The following SORCS3 variants were observed in gnomAD, a reference collection of about 807,000 sequenced individuals.
SORCS3 encodes the protein VPS10 domain-containing receptor SorCS3.
A neutral mutation model predicts 146.3 loss-of-function variants in SORCS3; 57 were observed. The ratio of observed to expected loss-of-function variants is 0.39; its 90% CI spans 0.31 to 0.49. The LOEUF (loss-of-function observed/expected upper bound fraction) is 0.49. Ranked by LOEUF, SORCS3 falls within the 20% of genes least tolerant of loss-of-function variation. The pLI, the probability that SORCS3 is intolerant of heterozygous loss-of-function variation, is 0.92. For missense variants in SORCS3, 1,341 were observed against 1,575.5 expected, an observed-to-expected ratio of 0.85 and a Z score of 2.52; for synonymous variants, 653 against 618.5, an observed-to-expected ratio of 1.06 and a Z score of -0.83.
intron 2 of SORCS3, among the ~76,000 whole-genome samples, chr10:104,876,962 C>T (rs1010588975): frequency 6.6e-6 from 1 of 152,056 alleles, no homozygotes; most frequent in South Asian, 2.1e-4. Context: ...CCCAAGCCTC[C>T]TAAGTAGCTG....
At chr10:105,172,035 GTTGTTAGAAAGA>G (rs946848839) in intron 13 of SORCS3, among the ~76,000 whole-genome samples, 6 of 152,148 alleles carry the variant, frequency 3.9e-5, no homozygotes, top group African/African-American at 1.4e-4. Context: ...AATGGCTTTA[GTTGTTAGAAAGA>G]TTGTTTTTCA....
chr10:104,733,124 G>A (rs1285081697), intron 1 of SORCS3, among the ~76,000 whole-genome samples: 1 of 152,142 alleles, frequency 6.6e-6, no homozygotes, highest in Non-Finnish European at 1.5e-5. Flanking sequence ...CTTACAGAAT[G>A]CTTTATGCTG....
intron 2 of SORCS3, among the ~76,000 whole-genome samples, chr10:104,845,617 A>G (rs986642545): frequency 2.0e-5 from 3 of 152,116 alleles, no homozygotes; most frequent in African/African-American, 7.2e-5. Flanking sequence ...TAAGACACCA[A>G]GCGGGTGTAG....
chr10:104,785,524 T>C (rs991658786), intron 1 of SORCS3, among the ~76,000 whole-genome samples: 1 of 145,884 alleles, frequency 6.9e-6, no homozygotes, highest in African/African-American at 2.6e-5. Context: ...CCTCCACTAT[T>C]GTCCAATGAC....
chr10:104,711,940 C>T (rs1227123635), intron 1 of SORCS3, among the ~76,000 whole-genome samples: 1 of 152,112 alleles, frequency 6.6e-6, no homozygotes, highest in Non-Finnish European at 1.5e-5. Flanking sequence ...CACTGCCTGC[C>T]CCGCTTTTCC....
At chr10:104,798,260 G>A (rs1479858158) in intron 1 of SORCS3, among the ~76,000 whole-genome samples, 1 of 152,106 alleles carries the variant, frequency 6.6e-6, no homozygotes, top group East Asian at 1.9e-4. Context: ...GCAATGGCTT[G>A]TTACCAATGA....
At position 104,726,062 on chromosome 10, in the gene SORCS3, A is replaced by G. The variant is rs1306261491; in HGVS notation, c.627+84108A>G. The stretch of plus-strand genomic sequence containing the variant: ...AATGCAGAAATCACCTGTCTTCTGC[A>G]TCGCTCACGCTGGGTGCTGTAGACT... On this transcript the variant is annotated intron_variant, in intron 1 of 26. Transcript: ENST00000369701. 2.0e-5 allele frequency among the ~76,000 whole-genome samples: 3 copies of G among 152,210 alleles called. No homozygotes were observed. The South Asian group carries it at 6.2e-4, about 31-fold the overall frequency.
intron 1 of SORCS3, among the ~76,000 whole-genome samples, chr10:104,651,703 G>A (rs1308423740): frequency 1.3e-5 from 2 of 151,680 alleles, no homozygotes; most frequent in South Asian, 2.1e-4. Context: ...GTGAGACTCC[G>A]TCTCAAAAAA....
At chr10:104,903,050 C>T (rs759748081) in intron 2 of SORCS3, among the ~76,000 whole-genome samples, 6 of 152,102 alleles carry the variant, frequency 3.9e-5, no homozygotes, top group South Asian at 2.1e-4. Flanking sequence ...AATAAATGGC[C>T]GGGCATTGAA....
chr10:105,058,839 T>C lies in SORCS3; in HGVS notation c.1028+15711T>C, dbSNP rs575439572. 3.9e-5 allele frequency among the ~76,000 whole-genome samples: 6 copies of C among 152,292 alleles called. No individual in the cohort carries two copies. The East Asian group carries it at 9.6e-4, about 24-fold the overall frequency. On this transcript the variant is annotated intron_variant, in intron 5 of 26. Transcript: ENST00000369701. The stretch of plus-strand genomic sequence containing the variant: ...TAGAAGGAATAAATGCAATGTTCAA[T>C]AGAATAGAGTAGAATAACTATACTT...
intron 7 of SORCS3, among the ~76,000 whole-genome samples, chr10:105,121,060 C>T (rs943066257): frequency 6.6e-6 from 1 of 152,134 alleles, no homozygotes; most frequent in African/African-American, 2.4e-5. Flanking sequence ...CAGGAGACTA[C>T]AAGAGTTTCT....
chr10:104,973,919 G>A (rs1564725919), intron 3 of SORCS3, among the ~76,000 whole-genome samples: 1 of 151,778 alleles, frequency 6.6e-6, no homozygotes, highest in Admixed American at 6.6e-5. Flanking sequence ...TGGTTTCAAG[G>A]AACATCTTTA....
chr10:104,720,498 G>A (rs2016533668), intron 1 of SORCS3, among the ~76,000 whole-genome samples: 1 of 152,124 alleles, frequency 6.6e-6, no homozygotes, highest in African/African-American at 2.4e-5. Context: ...CCCAGTAATG[G>A]GATGGCTGGG....
intron 13 of SORCS3, among the ~76,000 whole-genome samples, chr10:105,170,969 A>G (rs2056354519): frequency 6.6e-6 from 1 of 152,178 alleles, no homozygotes; most frequent in South Asian, 2.1e-4. Flanking sequence ...TAAGAGGAAG[A>G]TAGGTTAGGT....
At chr10:104,764,499 A>G (rs999612173) in intron 1 of SORCS3, among the ~76,000 whole-genome samples, 3 of 152,236 alleles carry the variant, frequency 2.0e-5, no homozygotes, top group African/African-American at 7.2e-5. Flanking sequence ...TACAGAAAAG[A>G]TTTACAAACC....
intron 20 of SORCS3, among the ~76,000 whole-genome samples, chr10:105,238,632 A>G (rs1198693221): frequency 6.6e-6 from 1 of 152,230 alleles, no homozygotes; most frequent in Non-Finnish European, 1.5e-5. Context: ...GCTTTGAATG[A>G]TAAAAATTGA....
intron 20 of SORCS3, among the ~76,000 whole-genome samples, chr10:105,243,036 CATATATTTAT>C (rs1374262818): frequency 9.3e-5 from 12 of 129,388 alleles, no homozygotes; most frequent in South Asian, 4.6e-4. Flanking sequence ...TATATATTTA[CATATATTTAT>C]ATATATTTAT....
intron 6 of SORCS3, among the ~76,000 whole-genome samples, chr10:105,093,643 A>G (rs953146961): frequency 2.0e-5 from 3 of 152,198 alleles, no homozygotes; most frequent in African/African-American, 4.8e-5. Flanking sequence ...AGTGCTCAAC[A>G]TTATTAGACA....
chr10:104,992,151 CAGGGGGT>C, intron 4 of SORCS3, among the ~76,000 whole-genome samples: 1 of 152,084 alleles, frequency 6.6e-6, no homozygotes, highest in East Asian at 1.9e-4. Context: ...GGGGAGGGAG[CAGGGGGT>C]AGGGCTTATT....
Sources: allele counts gnomAD v4.1 joint callset (sites outside exome capture counted in the v4.1 genomes callset), GRCh38; gene constraint gnomAD v4.1.1; transcripts MANE v1.5; gene names NCBI Gene and HGNC (gene_info 2026-07-23, HGNC 2026-07-21).